PREX2: variants seen among roughly 807,000 people sequenced by gnomAD.
PREX2 encodes the protein phosphatidylinositol 3,4,5-trisphosphate-dependent Rac exchanger 2 protein.
Under a neutral mutation model 203.2 loss-of-function variants are expected in PREX2, and 107 were observed. The ratio of observed to expected loss-of-function variants is 0.53; its 90% CI spans 0.45 to 0.62. PREX2 has a LOEUF of 0.62. PREX2 is among the 20% of genes least tolerant of loss of function. The pLI is 0.00. For synonymous variants in PREX2, 672 were observed against 663.6 expected (o/e 1.01, Z -0.19); for missense variants, 1,777 against 1,955.9 (o/e 0.91, Z 1.72).
chr8:68,158,828 C>A (rs78069513), intron 35 of PREX2, among the ~76,000 whole-genome samples: 1 of 152,070 alleles, frequency 6.6e-6, no homozygotes, highest in Non-Finnish European at 1.5e-5. Flanking sequence ...TTCTTCTTAA[C>A]AGCATTGATG....
intron 13 of PREX2, among the ~76,000 whole-genome samples, chr8:68,070,685 T>C (rs895741778): frequency 6.6e-6 from 1 of 152,176 alleles, no homozygotes; most frequent in Non-Finnish European, 1.5e-5. Flanking sequence ...AAAATGCTTT[T>C]CAATCTTGGC....
intron 37 of PREX2, among the ~76,000 whole-genome samples, chr8:68,208,914 C>T (rs889433368): frequency 6.6e-6 from 1 of 151,636 alleles, no homozygotes; most frequent in African/African-American, 2.4e-5. Context: ...CATAGCGAGA[C>T]CCTATCTCCA....
intron 1 of PREX2, among the ~76,000 whole-genome samples, chr8:68,002,045 A>G (rs557517841): frequency 2.6e-5 from 4 of 152,104 alleles, no homozygotes; most frequent in Admixed American, 2.0e-4. Context: ...AAGTTTCCCT[A>G]TGTAACAAAC....
chr8:68,076,540 G>A (rs1809354540), intron 14 of PREX2, among the ~76,000 whole-genome samples: 1 of 152,030 alleles, frequency 6.6e-6, no homozygotes, highest in East Asian at 1.9e-4. Flanking sequence ...ACCATATGAA[G>A]GTATTGACAG....
At chr8:68,020,953 T>G (rs924518019) in intron 3 of PREX2, among the ~76,000 whole-genome samples, 3 of 152,218 alleles carry the variant, frequency 2.0e-5, no homozygotes. Flanking sequence ...TTATATAAAG[T>G]AGCACTTAAT....
intron 17 of PREX2, among the ~76,000 whole-genome samples, chr8:68,082,053 CATTCAT>C (rs61271735): frequency 0.53 from 80,574 of 151,502 alleles, 21,411 homozygotes; most frequent in South Asian, 0.56. Flanking sequence ...TTCATTCATT[CATTCAT>C]TTAGAAGTAT....
chr8:68,185,210 A>G (rs1483203417), intron 35 of PREX2, among the ~76,000 whole-genome samples: 4 of 152,012 alleles, frequency 2.6e-5, no homozygotes, highest in Admixed American at 6.6e-5. Flanking sequence ...TTTTCTGCTG[A>G]TAGCTAAGTG....
intron 35 of PREX2, among the ~76,000 whole-genome samples, chr8:68,184,024 AT>A (rs1812138163): frequency 6.6e-6 from 1 of 152,154 alleles, no homozygotes; most frequent in South Asian, 2.1e-4. Flanking sequence ...ATCCAGGCAA[AT>A]AGAAGATTAT....
Position 68,072,515 on chromosome 8 carries a change from G to A in PREX2, c.1514G>A (p.Arg505Lys), listed in dbSNP as rs2129611669. The A allele has an allele frequency of 1.3e-6, 2 of 1,589,692 alleles. No homozygotes were observed. The highest frequency in any genetic ancestry group is 8.6e-7 in the Non-Finnish European group (1 of 1,159,252). Reference protein sequence around the residue: ...PVIRDKDYHLRTYKSVVMANK... With the variant: ...PVIRDKDYHLKTYKSVVMANK... ...TATAGAGATAAAGATTACCATTTAA[G>A]GACCTACAAATCTGTGGTCATGGCC... The change falls in exon 14 of 40, where the codon AGG becomes AAG. Residue 505 changes from arginine (R) to lysine (K), a missense_variant. Transcript: ENST00000288368.
At chr8:68,047,482 T>TATATATATATATATATACACATAC (rs1808393533) in intron 8 of PREX2, among the ~76,000 whole-genome samples, 19 of 95,008 alleles carry the variant, frequency 2.0e-4, no homozygotes, top group Non-Finnish European at 3.5e-4. Flanking sequence ...TATATATATA[T>TATATATATATATATATACACATAC]ATATATATAT....
chr8:68,100,585 A>C (rs953046546), intron 23 of PREX2, among the ~76,000 whole-genome samples: 1 of 152,178 alleles, frequency 6.6e-6, no homozygotes, highest in Non-Finnish European at 1.5e-5. Flanking sequence ...GCCTCCAGGG[A>C]GAAGGAACAG....
rs1225283373 is a variant in PREX2, at chr8:68,108,201, C to T, written c.2808C>T (p.Thr936=). The change falls in exon 24 of 40, where the codon ACC becomes ACT. Residue 936 remains threonine (T), a synonymous_variant. Transcript: ENST00000288368. ...TGCACAGCAGTGATTTCTGCCCTACCAACTGCCATGTCAATGTGATGGAAG... is the reference window on the plus strand; with the variant it reads ...TGCACAGCAGTGATTTCTGCCCTACTAACTGCCATGTCAATGTGATGGAAG... ...SPLHSSDFCP[T]NCHVNVMEVS... The T allele has an allele frequency of 6.2e-7, 1 of 1,613,786 alleles. No homozygotes were observed. The highest frequency in any genetic ancestry group is 8.5e-7 in the Non-Finnish European group (1 of 1,179,818).
chr8:68,178,837 C>A (rs1186520444), intron 35 of PREX2, among the ~76,000 whole-genome samples: 1 of 152,090 alleles, frequency 6.6e-6, no homozygotes, highest in Non-Finnish European at 1.5e-5. Flanking sequence ...GATTTCAAAG[C>A]AATTTCTCCA....
intron 23 of PREX2, chr8:68,105,058 T>G (rs1287710960): frequency 9.0e-7 from 1 of 1,114,256 alleles, no homozygotes; most frequent in Non-Finnish European, 1.2e-6. Flanking sequence ...AGATTGATGT[T>G]TACAGGGCCA....
chr8:68,057,228 G>A (rs7009725), intron 10 of PREX2, among the ~76,000 whole-genome samples: 44,327 of 151,870 alleles, frequency 0.29, 8,985 homozygotes, highest in African/African-American at 0.58. Flanking sequence ...GCCGTGTAAG[G>A]TGTGCCTGCA....
chr8:68,059,868 G>C (rs1042647553), intron 10 of PREX2, among the ~76,000 whole-genome samples: 4 of 152,174 alleles, frequency 2.6e-5, no homozygotes, highest in Non-Finnish European at 4.4e-5. Flanking sequence ...GCATGTCTTG[G>C]TACCAGGTCC....
At chr8:68,064,297 C>T (rs1009162626) in intron 11 of PREX2, among the ~76,000 whole-genome samples, 3 of 151,976 alleles carry the variant, frequency 2.0e-5, no homozygotes, top group African/African-American at 7.3e-5. Flanking sequence ...TTTTTAAACA[C>T]AATTATTATT....
chr8:68,129,255 T>C (rs946949233), intron 31 of PREX2, among the ~76,000 whole-genome samples: 7 of 152,278 alleles, frequency 4.6e-5, no homozygotes, highest in African/African-American at 1.7e-4. Context: ...CAAACTTAGG[T>C]TTGCCAATTC....
intron 32 of PREX2, among the ~76,000 whole-genome samples, chr8:68,134,713 C>A (rs1224462173): frequency 2.0e-5 from 3 of 152,202 alleles, no homozygotes; most frequent in African/African-American, 7.2e-5. Flanking sequence ...TACTGCCTGA[C>A]AATCTGTTTA....
Sources: gnomAD v4.1 joint callset for allele counts (sites outside exome capture counted in the v4.1 genomes callset) on GRCh38, gnomAD v4.1.1 for gene constraint, MANE v1.5 for transcripts, NCBI Gene and HGNC (gene_info 2026-07-23, HGNC 2026-07-21) for gene names.